CIT: variants seen among roughly 807,000 people sequenced by gnomAD.
CIT encodes the protein citron Rho-interacting kinase.
Under a neutral mutation model 272.7 loss-of-function variants are expected in CIT, and 79 were observed. That is an observed-to-expected ratio of 0.29 (90% CI 0.24 to 0.35). The LOEUF is 0.35. Among genes scored for constraint, CIT ranks in the 10% least tolerant of loss-of-function variants. CIT has a pLI of 1.00. For missense variants in CIT, 1,909 were observed against 2,618.3 expected, an observed-to-expected ratio of 0.73 and a Z score of 5.91; for synonymous variants, 948 against 995.6, an observed-to-expected ratio of 0.95 and a Z score of 0.90.
intron 44 of CIT, among the ~76,000 whole-genome samples, chr12:119,698,496 G>A (rs757482273): frequency 3.3e-5 from 5 of 151,828 alleles, no homozygotes; most frequent in East Asian, 3.9e-4. Context: ...AGGCTGAGGC[G>A]GGAGAATCAC....
In CIT at chr12:119,689,666, CTTTTTTTTTTTTTTTTTT is replaced by C. The variant is rs531946559; in HGVS notation, c.6186+467_6186+484del. 5.3e-5 allele frequency among the ~76,000 whole-genome samples: 4 copies of C among 75,078 alleles called. 1 individual carries two copies. Among genetic ancestry groups the C allele is most frequent in the South Asian group, 6.8e-4 (1 of 1,476 alleles). 49.3% of individuals were successfully genotyped at this position (75,078 alleles called of 152,430 possible). The stretch of plus-strand genomic sequence containing the variant: ...ACGTTATCCATTTGCTTAGGAAGCT[CTTTTTTTTTTTTTTTTTT>C]TTTTTTTTTTTAAGACAGAGTCTCG... On this transcript the variant is annotated intron_variant, in intron 47 of 47. Coordinates refer to ENST00000392521, the MANE Select transcript of CIT (RefSeq NM_001206999.2).
chr12:119,709,277 T>G (rs1175038063), intron 39 of CIT, among the ~76,000 whole-genome samples: 2 of 152,032 alleles, frequency 1.3e-5, no homozygotes, highest in Non-Finnish European at 2.9e-5. Context: ...TAATGTAAAC[T>G]GTAGACTTGG....
At position 119,710,664 on chromosome 12, in the gene CIT, G is replaced by T; in HGVS notation, c.4855-44C>A. The stretch of plus-strand genomic sequence containing the variant: ...AAAGAAAAACAGAAGACATCGTGAG[G>T]CTGATCTGTTTATGACCAAACCATC... On this transcript the variant is annotated intron_variant, in intron 37 of 47. Coordinates refer to ENST00000392521, the MANE Select transcript of CIT (RefSeq NM_001206999.2). The surrounding 1 kb of genome is among the most constrained non-coding windows in gnomAD (Gnocchi z 5.6). The T allele has an allele frequency of 6.4e-7, 1 of 1,560,998 alleles. No homozygotes were observed. Among genetic ancestry groups the T allele is most frequent in the Non-Finnish European group, 8.8e-7 (1 of 1,131,600 alleles).
At chr12:119,761,128 G>A (rs1164047242) in intron 19 of CIT, 73 bp from the exon 20 acceptor site, 2 of 1,113,948 alleles carry the variant, frequency 1.8e-6, no homozygotes, top group Non-Finnish European at 2.8e-6. Flanking sequence ...GGGGACACTT[G>A]AGAAAATCTA....
Position 119,712,962 on chromosome 12 carries a change from G to T in CIT, c.4579+241C>A. The T allele has an allele frequency of 1.7e-6, 1 of 583,770 alleles. No individual in the cohort carries two copies. The highest frequency in any genetic ancestry group is 3.0e-6 in the Non-Finnish European group (1 of 329,124). 36.2% of individuals were successfully genotyped at this position (583,770 alleles called of 1,614,324 possible). A position where few individuals can be genotyped will look rare whatever the true frequency, so the allele number is the denominator to read the frequency against. On this transcript the variant is annotated intron_variant, in intron 35 of 47. Coordinates refer to ENST00000392521, the MANE Select transcript of CIT (RefSeq NM_001206999.2). The surrounding 1 kb of genome is among the most constrained non-coding windows in gnomAD (Gnocchi z 5.2). ...TTAGTTGACTGAGGCAGAAGTTCTC[G>T]GAAGGTGTATTAGCAGGTGGAATCT... is the stretch of plus-strand genomic sequence containing the variant.
chr12:119,778,694 A>T (rs1181799792), intron 13 of CIT, among the ~76,000 whole-genome samples: 2 of 151,864 alleles, frequency 1.3e-5, no homozygotes, highest in South Asian at 4.2e-4. Context: ...TGAAAATTGG[A>T]TGGTTTCCAT....
intron 9 of CIT, among the ~76,000 whole-genome samples, chr12:119,821,146 T>C (rs2138031708): frequency 6.6e-6 from 1 of 151,800 alleles, no homozygotes; most frequent in East Asian, 1.9e-4. Flanking sequence ...AAATAGAAAA[T>C]TAGCTGGGTG....
chr12:119,803,887 C>G (rs1378940420), intron 9 of CIT, among the ~76,000 whole-genome samples: 3 of 152,012 alleles, frequency 2.0e-5, no homozygotes, highest in Non-Finnish European at 2.9e-5. Context: ...GAGGAAGGAC[C>G]AGGAAAAGGG....
intron 3 of CIT, among the ~76,000 whole-genome samples, chr12:119,861,314 T>C (rs1950330003): frequency 6.7e-6 from 1 of 148,522 alleles, no homozygotes; most frequent in African/African-American, 2.5e-5. Context: ...GGCCAGGCAC[T>C]GTGGCTCACG....
chr12:119,742,270 A>G (rs1389912201), intron 24 of CIT, 141 bp downstream of exon 24: 3 of 566,544 alleles, frequency 5.3e-6, no homozygotes, highest in South Asian at 3.9e-5. Flanking sequence ...AAAAACTCCA[A>G]ATAAGGTTGA....
chr12:119,691,399 T>C (rs1022524105), intron 46 of CIT, among the ~76,000 whole-genome samples: 17 of 152,148 alleles, frequency 1.1e-4, no homozygotes, highest in African/African-American at 4.1e-4. Context: ...GTCCCACTCC[T>C]GGGCCTCGTG....
rs948385893 is a variant in CIT at position 119,770,991 on chromosome 12, C to T, written c.2083-81G>A. 31 of 1,520,936 alleles carry T rather than the reference C, an allele frequency of 2.0e-5. No individual in the cohort carries two copies. Among genetic ancestry groups the T allele is most frequent in the Non-Finnish European group, 2.6e-5 (29 of 1,125,148 alleles). 94.2% of individuals were successfully genotyped at this position (1,520,936 alleles called of 1,614,324 possible). A position where few individuals can be genotyped will look rare whatever the true frequency, so the allele number is the denominator to read the frequency against. On this transcript the variant is annotated intron_variant, in intron 17 of 47. Transcript: ENST00000392521. This position sits in a 1 kb window ranked among gnomAD's most constrained non-coding sequence, Gnocchi z 4.4. ...CACCTGCACCGAGGGAAAGAGCCCT[C>T]AAGAAGCATACACTCGAGTCAGGAA...
intron 7 of CIT, among the ~76,000 whole-genome samples, chr12:119,825,579 A>G (rs1968097181): frequency 1.3e-5 from 2 of 152,104 alleles, no homozygotes; most frequent in Non-Finnish European, 2.9e-5. Context: ...AATGCAATCC[A>G]AGGGCAAAAG....
chr12:119,870,639 G>T lies in CIT; in HGVS notation c.97-1438C>A, dbSNP rs537247034. On this transcript the variant is annotated intron_variant, in intron 2 of 47. Coordinates refer to ENST00000392521, the MANE Select transcript of CIT (RefSeq NM_001206999.2). ...TGCACAGATGCTTGGGCTAGACCAGGGGTGTGCAATCTGTAGCCCTTGGAC... is the reference window on the plus strand; with the variant it reads ...TGCACAGATGCTTGGGCTAGACCAGTGGTGTGCAATCTGTAGCCCTTGGAC... Among the ~76,000 whole-genome samples the T allele has an allele frequency of 1.8e-3, 271 of 151,406 alleles. 1 individual carries two copies. Among genetic ancestry groups the T allele is most frequent in the African/African-American group, 6.4e-3 (266 of 41,322 alleles).
chr12:119,748,055 T>C (rs1959701400), intron 23 of CIT, among the ~76,000 whole-genome samples: 1 of 152,084 alleles, frequency 6.6e-6, no homozygotes, highest in African/African-American at 2.4e-5. Flanking sequence ...TCCCAGCTAC[T>C]TGGGAGGCTG....
intron 23 of CIT, among the ~76,000 whole-genome samples, chr12:119,746,882 T>G (rs954587058): frequency 1.3e-5 from 2 of 152,256 alleles, no homozygotes; most frequent in Non-Finnish European, 2.9e-5. Flanking sequence ...GTAAGTCATA[T>G]GCTTTATGTT....
Position 119,697,584 on chromosome 12 carries a change from G to A in CIT, c.5882+75C>T. 7.0e-7 allele frequency: 1 copy of A among 1,423,178 alleles called. No homozygotes were observed. The highest frequency in any genetic ancestry group is 9.6e-7 in the Non-Finnish European group (1 of 1,037,044). The allele number at this position is 1,423,178 out of a possible 1,614,324, so 88.2% of individuals were successfully genotyped here. On this transcript the variant is annotated intron_variant, in intron 46 of 47. Transcript: ENST00000392521. This position sits in a 1 kb window ranked among gnomAD's most constrained non-coding sequence, Gnocchi z 4.9. ...GTGAAGATTGGGAAACATTCTACTG[G>A]TTTAGTATCACTTCCTTCTGCCTTG...
chr12:119,766,259 A>C (rs1395136278), intron 19 of CIT, among the ~76,000 whole-genome samples: 1 of 152,222 alleles, frequency 6.6e-6, no homozygotes, highest in Non-Finnish European at 1.5e-5. Context: ...AAAAGAAAGA[A>C]AATGTGGTAC....
At chr12:119,833,597 G>A (rs1184693) in intron 6 of CIT, among the ~76,000 whole-genome samples, 40 of 150,368 alleles carry the variant, frequency 2.7e-4, no homozygotes, top group African/African-American at 8.9e-4. Context: ...CCCAGCAGGC[G>A]GAGGTTGCCA....
Sources: allele counts gnomAD v4.1 joint callset (sites outside exome capture counted in the v4.1 genomes callset), GRCh38; gene constraint gnomAD v4.1.1; non-coding constraint Gnocchi (gnomAD v3.1); transcripts MANE v1.5; gene names NCBI Gene and HGNC (gene_info 2026-07-23, HGNC 2026-07-21).